Variants in POLD1 observed in about 807,000 individuals in gnomAD.
POLD1 encodes DNA polymerase delta catalytic subunit.
A neutral mutation model predicts 129.7 loss-of-function variants in POLD1; 79 were observed. The observed-to-expected ratio is 0.61, with a 90% confidence interval of 0.51 to 0.73. POLD1 has a LOEUF of 0.73. POLD1 is among the 30% of genes least tolerant of loss of function. The pLI, the probability that POLD1 is intolerant of heterozygous loss-of-function variation, is 0.00. For missense variants in POLD1, 1,338 were observed against 1,595.8 expected (o/e 0.84, Z 2.75); for synonymous variants, 714 against 683.3 (o/e 1.04, Z -0.70).
rs762900208 is a variant in POLD1, at chr19:50,408,899, G to A, written c.1890G>A (p.Leu630=). ...TTCGGCCCGGGACTGCACAGAAACT[G>A]GGGTATAGTGCCCAATTCAGCATGT... ...TLLRPGTAQK[L]GLTEDQFIRT... The change falls in exon 15 of 27, where the codon CTG becomes CTA. Residue 630 remains leucine (L), a splice_region_variant and synonymous_variant. Transcript: ENST00000440232. The A allele has an allele frequency of 1.2e-6, 2 of 1,609,142 alleles. No homozygotes were observed. Among genetic ancestry groups the A allele is most frequent in the East Asian group, 2.2e-5 (1 of 44,870 alleles).
rs1060504347 is a variant in POLD1 at position 50,408,827 on chromosome 19, G to A, written c.1818G>A (p.Leu606=). The part of the protein sequence containing the change: ...VPIATLDFSS[L]YPSIMMAHNL... ...TCGCCACCCTGGACTTCTCCTCGCT[G>A]TACCCGTCCATCATGATGGCCCACA... The change falls in exon 15 of 27, where the codon CTG becomes CTA. Residue 606 remains leucine (L), a synonymous_variant. Coordinates refer to ENST00000440232, the MANE Select transcript of POLD1 (RefSeq NM_002691.4). 1 of 1,614,034 alleles carries A rather than the reference G, an allele frequency of 6.2e-7. No individual in the cohort carries two copies.
chr19:50,397,926 C>G (rs2038429520), intron 1 of POLD1, among the ~76,000 whole-genome samples: 1 of 152,164 alleles, frequency 6.6e-6, no homozygotes, highest in African/African-American at 2.4e-5. Context: ...TTGTATCGTA[C>G]TGTGCTCGGT....
intron 1 of POLD1, among the ~76,000 whole-genome samples, chr19:50,386,673 A>C (rs1052633562): frequency 6.6e-6 from 1 of 152,216 alleles, no homozygotes; most frequent in African/African-American, 2.4e-5. Flanking sequence ...TCATGCAGCG[A>C]ACACTGCCTA....
chr19:50,402,405 A>C (rs2122247818), intron 6 of POLD1, 32 bp downstream of exon 6: 1 of 1,613,632 alleles, frequency 6.2e-7, no homozygotes, highest in Non-Finnish European at 8.5e-7. Flanking sequence ...TCCGGCCTCT[A>C]TCCCCACCCT....
At chr19:50,391,651 A>G (rs2038175216) in intron 1 of POLD1, among the ~76,000 whole-genome samples, 1 of 139,932 alleles carries the variant, frequency 7.1e-6, no homozygotes. Flanking sequence ...GCGGCAGCAC[A>G]GTCCAGCCTC....
rs760638243 is a variant in POLD1, at chr19:50,413,776, G to A, written c.2285G>A (p.Arg762Gln). 135 of 1,611,292 alleles carry A rather than the reference G, an allele frequency of 8.4e-5. No individual in the cohort carries two copies. The highest frequency in any genetic ancestry group is 1.1e-4 in the Non-Finnish European group (127 of 1,179,416). Residue 762 changes from arginine (R) to glutamine (Q), a missense_variant, in exon 19 of 27, where the codon CGA becomes CAA. Physicochemically the swap from Arg to Gln is conservative, Grantham distance 43. Around this residue, in one of 3 missense-constraint regions of POLD1, gnomAD observed 720 missense variants for 1,002.6 expected, o/e 0.72. Coordinates refer to ENST00000440232, the MANE Select transcript of POLD1 (RefSeq NM_002691.4). Reference sequence around the variant, plus strand: ...GGTGACACTGACTCCGTCATGTGCCGATTCGGCGTGTCCTCGGTGGCTGAG... The same window carrying A: ...GGTGACACTGACTCCGTCATGTGCCAATTCGGCGTGTCCTCGGTGGCTGAG... ...VYGDTDSVMCRFGVSSVAEAM... is the reference protein window; with the variant it reads ...VYGDTDSVMCQFGVSSVAEAM...
rs1431495856 is a variant in POLD1, at chr19:50,409,180, G to A, written c.1951G>A (p.Val651Met). ...PTGDEFVKTS[V>M]RKGLLPQILE... is the part of the protein sequence containing the mutation. ...CGGGGACGAGTTTGTGAAGACCTCA[G>A]TGCGGAAGGGGCTGCTGCCCCAGAT... is the stretch of plus-strand genomic sequence containing the variant. Residue 651 changes from valine (V) to methionine (M), a missense_variant, in exon 16 of 27, where the codon GTG becomes ATG. Coordinates refer to ENST00000440232, the MANE Select transcript of POLD1 (RefSeq NM_002691.4). This position sits in a 1 kb window ranked among gnomAD's most constrained non-coding sequence, Gnocchi z 5.8. 6.2e-7 allele frequency: 1 copy of A among 1,613,882 alleles called. No homozygotes were observed. The highest frequency in any genetic ancestry group is 8.5e-7 in the Non-Finnish European group (1 of 1,179,844).
At chr19:50,403,666 T>C in intron 10 of POLD1, 69 bp downstream of exon 10, 1 of 953,316 alleles carries the variant, frequency 1.0e-6, no homozygotes, top group Admixed American at 1.7e-5. Flanking sequence ...CTGGGCCTCC[T>C]TCCCACTCCC....
intron 14 of POLD1, 180 bp from the exon 15 acceptor site, chr19:50,408,605 A>T (rs1487799717): frequency 1.1e-6 from 1 of 925,256 alleles, no homozygotes; most frequent in Non-Finnish European, 1.6e-6. Context: ...CTGATCTGAA[A>T]CTCCTGAGTT....
Position 50,391,137 on chromosome 19 carries a change from C to CG in POLD1, c.-2+6751dup, listed in dbSNP as rs955818206. Reference sequence around the variant, plus strand: ...GCAGAGGCGCTCCTCACATCCCAGACGGGGCGTCGGGGCAGAGGCGCTCCC... The same window carrying CG: ...GCAGAGGCGCTCCTCACATCCCAGACGGGGGCGTCGGGGCAGAGGCGCTCCC... On this transcript the variant is annotated intron_variant, in intron 1 of 26. Coordinates refer to ENST00000440232, the MANE Select transcript of POLD1 (RefSeq NM_002691.4). 1.5e-4 allele frequency among the ~76,000 whole-genome samples: 23 copies of CG among 150,638 alleles called. 1 individual carries two copies. The highest frequency in any genetic ancestry group is 4.7e-4 in the African/African-American group (19 of 40,444).
At position 50,408,872 on chromosome 19, in the gene POLD1, C is replaced by T. The variant is rs963813695; in HGVS notation, c.1863C>T (p.Leu621=). The part of the protein sequence containing the change: ...MMAHNLCYTT[L]LRPGTAQKLG... The stretch of plus-strand genomic sequence containing the variant: ...CCCACAACCTGTGTTACACCACGCT[C>T]CTTCGGCCCGGGACTGCACAGAAAC... The change falls in exon 15 of 27, where the codon CTC becomes CTT. Residue 621 remains leucine, a synonymous_variant. Coordinates refer to ENST00000440232, the MANE Select transcript of POLD1 (RefSeq NM_002691.4). 26 of 1,613,514 alleles carry T rather than the reference C, an allele frequency of 1.6e-5. No individual in the cohort carries two copies. The highest frequency in any genetic ancestry group is 1.6e-4 in the Middle Eastern group (1 of 6,084).
In POLD1 at chr19:50,417,157, C is replaced by T. The variant is rs2272323; in HGVS notation, c.3121-15C>T. The T allele has an allele frequency of 1.7e-4, 264 of 1,585,334 alleles. 3 individuals carry two copies. In the East Asian group the frequency reaches 5.3e-3, roughly 32 times the overall value. The stretch of plus-strand genomic sequence containing the variant: ...GGGAGGCGGGGGCGCCCTGCTCAGC[C>T]GCTGCCGTCCCCAGGTATCCCATCT... On this transcript the variant is annotated splice_polypyrimidine_tract_variant and intron_variant, in intron 25 of 26. Coordinates refer to ENST00000440232, the MANE Select transcript of POLD1 (RefSeq NM_002691.4).
chr19:50,417,961 C>T lies in POLD1; in HGVS notation c.*14C>T, dbSNP rs1412928668. On this transcript the variant is annotated 3_prime_UTR_variant, in exon 27 of 27. Transcript: ENST00000440232. ...GAGGCCTGGTGACCTTGCAAGCATCCCATGGGGCGGGGGCGGGACCAGGGA... is the reference window on the plus strand; with the variant it reads ...GAGGCCTGGTGACCTTGCAAGCATCTCATGGGGCGGGGGCGGGACCAGGGA... The T allele has an allele frequency of 2.0e-6, 3 of 1,536,152 alleles. No homozygotes were observed. Among genetic ancestry groups the T allele is most frequent in the Non-Finnish European group, 2.7e-6 (3 of 1,114,432 alleles).
At chr19:50,407,859 A>C (rs1415190805) in intron 14 of POLD1, among the ~76,000 whole-genome samples, 3 of 146,110 alleles carry the variant, frequency 2.1e-5, no homozygotes, top group Non-Finnish European at 4.5e-5. Flanking sequence ...GGCGTGAGCC[A>C]CCGTGCCCGG....
chr19:50,390,713 G>A (rs930829076), intron 1 of POLD1, among the ~76,000 whole-genome samples: 4 of 152,106 alleles, frequency 2.6e-5, no homozygotes, highest in Non-Finnish European at 4.4e-5. Flanking sequence ...CCTAGGCAGA[G>A]GGCCCTGCGG....
chr19:50,389,875 C>T (rs541396172), intron 1 of POLD1, among the ~76,000 whole-genome samples: 308 of 151,176 alleles, frequency 2.0e-3, no homozygotes, highest in Non-Finnish European at 3.5e-3. Context: ...CGTGAGCCAC[C>T]ATGTCCAGCC....
chr19:50,384,777 C>G (rs1335879968), intron 1 of POLD1, among the ~76,000 whole-genome samples: 1 of 152,222 alleles, frequency 6.6e-6, no homozygotes. Context: ...CTCGGGAAGA[C>G]AGACGGTAGA....
At position 50,409,752 on chromosome 19, in the gene POLD1, C is replaced by T; in HGVS notation, c.2154+86C>T. ...AGGGCTCCATGTGGGGGACCTGTAT[C>T]CAGAGGACTGGGCACCCCAACTCAC... On this transcript the variant is annotated intron_variant, in intron 17 of 26. Coordinates refer to ENST00000440232, the MANE Select transcript of POLD1 (RefSeq NM_002691.4). This position sits in a 1 kb window ranked among gnomAD's most constrained non-coding sequence, Gnocchi z 5.8. 7.0e-7 allele frequency: 1 copy of T among 1,423,428 alleles called. No individual in the cohort carries two copies. The highest frequency in any genetic ancestry group is 1.4e-5 in the African/African-American group (1 of 69,930). 88.2% of individuals were successfully genotyped at this position (1,423,428 alleles called of 1,614,324 possible).
rs190351539 is a variant in POLD1, at chr19:50,407,241, G to A, written c.1686+67G>A. 925 of 1,539,856 alleles carry A rather than the reference G, an allele frequency of 6.0e-4. 9 individuals carry two copies. The highest frequency in any genetic ancestry group is 1.7e-4 in the Middle Eastern group (1 of 5,852). ...CGTCTGTGGCCCCCTCCAGGCAATG[G>A]CATCCTGGATGCACTTTTTCTCCCC... On this transcript the variant is annotated intron_variant, in intron 13 of 26. Coordinates refer to ENST00000440232, the MANE Select transcript of POLD1 (RefSeq NM_002691.4).
Sources: gnomAD v4.1 joint callset for allele counts (sites outside exome capture counted in the v4.1 genomes callset) on GRCh38, gnomAD v4.1.1 for gene constraint, gnomAD v4.1.1 regional missense constraint, Gnocchi (gnomAD v3.1) non-coding constraint, MANE v1.5 for transcripts, NCBI Gene and HGNC (gene_info 2026-07-23, HGNC 2026-07-21) for gene names.